Variants in GAP43 observed in about 807,000 individuals in gnomAD.
GAP43 encodes neuromodulin.
In GAP43, 6 loss-of-function variants were observed where a neutral mutation model predicts 18.6. The observed-to-expected ratio is 0.32, with a 90% CI of 0.18 to 0.64. GAP43 has a LOEUF of 0.64. GAP43 is among the 30% of genes least tolerant of loss of function. The pLI, the probability that GAP43 is intolerant of heterozygous loss-of-function variation, is 0.78. For missense variants in GAP43, 292 were observed against 295.5 expected, an observed-to-expected ratio of 0.99 and a Z score of 0.09; for synonymous variants, 115 against 111.4, an observed-to-expected ratio of 1.03 and a Z score of -0.20.
chr3:115,690,420 C>T (rs111238323), intron 2 of GAP43, among the ~76,000 whole-genome samples: 1 of 152,146 alleles, frequency 6.6e-6, no homozygotes, highest in African/African-American at 2.4e-5. Context: ...GTTTCAGAAA[C>T]ATTTTTTTAC....
intron 2 of GAP43, among the ~76,000 whole-genome samples, chr3:115,712,421 T>A (rs1709453029): frequency 7.5e-6 from 1 of 132,850 alleles, no homozygotes; most frequent in South Asian, 2.5e-4. Flanking sequence ...ATTGCTTTTT[T>A]TCCTCTTGAG....
chr3:115,678,085 G>C (rs1194740813), intron 2 of GAP43, among the ~76,000 whole-genome samples: 1 of 152,176 alleles, frequency 6.6e-6, no homozygotes, highest in Non-Finnish European at 1.5e-5. Flanking sequence ...TAGAAGATGG[G>C]AATTTTTCCC....
intron 2 of GAP43, among the ~76,000 whole-genome samples, chr3:115,716,645 C>T (rs914136108): frequency 1.4e-5 from 2 of 145,586 alleles, no homozygotes; most frequent in African/African-American, 2.5e-5. Context: ...GTCATCCCTT[C>T]GCTTAAAACA....
chr3:115,648,369 C>G (rs1157904845), intron 1 of GAP43, among the ~76,000 whole-genome samples: 4 of 152,096 alleles, frequency 2.6e-5, no homozygotes, highest in African/African-American at 4.8e-5. Context: ...TGGACACCAT[C>G]TTCAGCATTG....
intron 2 of GAP43, among the ~76,000 whole-genome samples, chr3:115,716,331 A>G (rs1055025446): frequency 6.6e-6 from 1 of 152,180 alleles, no homozygotes; most frequent in Non-Finnish European, 1.5e-5. Context: ...TCTGTTTATA[A>G]TAAGTTCTGC....
intron 1 of GAP43, among the ~76,000 whole-genome samples, chr3:115,632,549 C>T (rs1470525356): frequency 6.6e-6 from 1 of 152,092 alleles, no homozygotes; most frequent in Non-Finnish European, 1.5e-5. Context: ...TTTAAAACAA[C>T]AAAATTTAAC....
chr3:115,686,787 T>C (rs1709039115), intron 2 of GAP43, among the ~76,000 whole-genome samples: 1 of 152,202 alleles, frequency 6.6e-6, no homozygotes, highest in Admixed American at 6.5e-5. Context: ...CAGCTGGTTT[T>C]TCGGAGATGA....
intron 1 of GAP43, among the ~76,000 whole-genome samples, chr3:115,641,474 TTA>T (rs1559790054): frequency 6.7e-6 from 1 of 148,152 alleles, no homozygotes; most frequent in Non-Finnish European, 1.5e-5. Flanking sequence ...AAGAGTGCAT[TTA>T]TATGTTTTGT....
At chr3:115,649,118 G>A (rs963793003) in intron 1 of GAP43, among the ~76,000 whole-genome samples, 2 of 152,128 alleles carry the variant, frequency 1.3e-5, no homozygotes, top group African/African-American at 4.8e-5. Flanking sequence ...ATTAGTAACA[G>A]AAATTTATTT....
chr3:115,671,276 G>A (rs1332335735), intron 1 of GAP43, among the ~76,000 whole-genome samples: 1 of 152,184 alleles, frequency 6.6e-6, no homozygotes, highest in African/African-American at 2.4e-5. Context: ...GAGCAACAAT[G>A]TTGGATACTT....
At chr3:115,675,975 A>T (rs368706256) in intron 1 of GAP43, 38 bp from the exon 2 acceptor site, 1 of 1,555,704 alleles carries the variant, frequency 6.4e-7, no homozygotes, top group Non-Finnish European at 8.6e-7. Context: ...GAAGAATGTC[A>T]TTGAAGCCCT....
chr3:115,668,995 G>A (rs931971987), intron 1 of GAP43, among the ~76,000 whole-genome samples: 1 of 151,548 alleles, frequency 6.6e-6, no homozygotes, highest in Non-Finnish European at 1.5e-5. Context: ...GCAGTCATCT[G>A]AGATAGTGCC....
chr3:115,705,407 A>T (rs1709347645), intron 2 of GAP43, among the ~76,000 whole-genome samples: 1 of 152,238 alleles, frequency 6.6e-6, no homozygotes, highest in Non-Finnish European at 1.5e-5. Context: ...AATATTGGAA[A>T]TACCAACTTT....
chr3:115,632,323 C>T (rs1442045801), intron 1 of GAP43, among the ~76,000 whole-genome samples: 3 of 152,080 alleles, frequency 2.0e-5, no homozygotes. Flanking sequence ...TTGGGGGAAG[C>T]ACATTTCAAA....
chr3:115,671,406 G>A (rs1316166257), intron 1 of GAP43, among the ~76,000 whole-genome samples: 2 of 152,082 alleles, frequency 1.3e-5, no homozygotes, highest in South Asian at 2.1e-4. Flanking sequence ...TAGTGTAATG[G>A]TACTCTTCAT....
At chr3:115,711,921 TTAATA>T (rs1709444180) in intron 2 of GAP43, among the ~76,000 whole-genome samples, 1 of 152,376 alleles carries the variant, frequency 6.6e-6, no homozygotes, top group South Asian at 2.1e-4. Context: ...ATCATTTAAC[TTAATA>T]TATTTACTTC....
In GAP43 at chr3:115,624,863, T is replaced by C. The variant is rs970153811; in HGVS notation, c.30+1144T>C. On this transcript the variant is annotated intron_variant, in intron 1 of 2. Coordinates refer to ENST00000305124, the MANE Select transcript of GAP43 (RefSeq NM_002045.4). ...GTTAAAGAGAAAAATGGGTGTGGGA[T>C]ACGGGTGAGTGTGTGCGTATGCTTG... Among the ~76,000 whole-genome samples the C allele has an allele frequency of 3.4e-5, 5 of 146,178 alleles. No individual in the cohort carries two copies. In the East Asian group the frequency reaches 8.0e-4, roughly 23 times the overall value.
At chr3:115,624,942 C>G (rs1181708760) in intron 1 of GAP43, among the ~76,000 whole-genome samples, 1 of 150,380 alleles carries the variant, frequency 6.6e-6, no homozygotes, top group Non-Finnish European at 1.5e-5. Context: ...AGAAGCCCTT[C>G]GCAGACTGAT....
chr3:115,668,003 A>C (rs1446117224), intron 1 of GAP43, among the ~76,000 whole-genome samples: 1 of 152,124 alleles, frequency 6.6e-6, no homozygotes, highest in Non-Finnish European at 1.5e-5. Context: ...GGGAATCAAC[A>C]TGTGCTTCTG....
Sources: allele counts gnomAD v4.1 joint callset (sites outside exome capture counted in the v4.1 genomes callset), GRCh38; gene constraint gnomAD v4.1.1; transcripts MANE v1.5; gene names NCBI Gene and HGNC (gene_info 2026-07-23, HGNC 2026-07-21).